The following PHLDB2 variants were observed in gnomAD, a reference collection of about 807,000 sequenced individuals.
PHLDB2 encodes the protein pleckstrin homology-like domain family B member 2.
PHLDB2 carries 71 observed loss-of-function variants against 123.6 expected under a neutral mutation model. The observed-to-expected ratio is 0.57, with a 90% confidence interval of 0.47 to 0.70. PHLDB2 has a LOEUF of 0.70. PHLDB2 is among the 30% of genes least tolerant of loss of function. PHLDB2 has a pLI of 0.00. For synonymous variants in PHLDB2, 547 were observed against 541.6 expected (o/e 1.01, Z -0.14); for missense variants, 1,446 against 1,519.5 (o/e 0.95, Z 0.80).
chr3:111,851,416 CATTTTAGG>C (rs2064250990), intron 2 of PHLDB2, among the ~76,000 whole-genome samples: 1 of 151,944 alleles, frequency 6.6e-6, no homozygotes, highest in Admixed American at 6.6e-5. Context: ...TTTCTGTGAG[CATTTTAGG>C]ATCTGTGACT....
intron 13 of PHLDB2, among the ~76,000 whole-genome samples, chr3:111,966,405 G>C (rs962314342): frequency 6.6e-6 from 1 of 152,074 alleles, no homozygotes; most frequent in Non-Finnish European, 1.5e-5. Context: ...ACAATTCTCA[G>C]AGTTGAATTG....
chr3:111,799,393 G>A (rs945037090), intron 1 of PHLDB2, among the ~76,000 whole-genome samples: 2 of 152,110 alleles, frequency 1.3e-5, no homozygotes, highest in Non-Finnish European at 2.9e-5. Context: ...TTTAATACTA[G>A]AAAAAAGTAT....
At chr3:111,912,106 A>G (rs2067917900) in intron 2 of PHLDB2, among the ~76,000 whole-genome samples, 1 of 152,222 alleles carries the variant, frequency 6.6e-6, no homozygotes, top group South Asian at 2.1e-4. Flanking sequence ...GGTAAATGTG[A>G]TCACAATAGA....
chr3:111,945,891 A>G (rs946161810), intron 9 of PHLDB2, among the ~76,000 whole-genome samples: 3 of 151,796 alleles, frequency 2.0e-5, no homozygotes, highest in African/African-American at 7.3e-5. Context: ...AACTGTACAT[A>G]CTCTTTATCT....
At chr3:111,906,676 C>T (rs946957084) in intron 2 of PHLDB2, among the ~76,000 whole-genome samples, 1 of 152,178 alleles carries the variant, frequency 6.6e-6, no homozygotes, top group African/African-American at 2.4e-5. Flanking sequence ...ACTCTCAGTA[C>T]AGTTATCTAT....
chr3:111,884,611 C>T lies in PHLDB2; in HGVS notation c.534C>T (p.Ala178=). The change falls in exon 2 of 18, where the codon GCC becomes GCT. Residue 178 remains alanine (A), a synonymous_variant. Coordinates refer to ENST00000431670, the MANE Select transcript of PHLDB2 (RefSeq NM_001134438.2). ...EGRKASGSLL[A]MWNGSSLSDA... is the part of the protein sequence containing the mutation. ...GGAAGGCATCTGGCTCGCTCCTGGC[C>T]ATGTGGAATGGAAGTTCCCTGAGTG... 6.2e-7 allele frequency: 1 copy of T among 1,614,104 alleles called. No individual in the cohort carries two copies. The highest frequency in any genetic ancestry group is 8.5e-7 in the Non-Finnish European group (1 of 1,180,018).
intron 1 of PHLDB2, among the ~76,000 whole-genome samples, chr3:111,831,459 C>T (rs1430055364): frequency 6.8e-6 from 1 of 147,920 alleles, no homozygotes; most frequent in East Asian, 2.0e-4. Context: ...GGGGAGTTTG[C>T]AAAAATTTTC....
chr3:111,925,260 T>C (rs913280984), intron 5 of PHLDB2, among the ~76,000 whole-genome samples: 1 of 152,356 alleles, frequency 6.6e-6, no homozygotes, highest in South Asian at 2.1e-4. Flanking sequence ...CTATAAAATA[T>C]AAACCATAGG....
At chr3:111,761,923 C>G (rs1042443478) in intron 1 of PHLDB2, among the ~76,000 whole-genome samples, 12 of 152,054 alleles carry the variant, frequency 7.9e-5, no homozygotes, top group African/African-American at 2.2e-4. Flanking sequence ...AGAAGAATTA[C>G]AGAGTAATTA....
chr3:111,844,460 C>A (rs772473768), intron 1 of PHLDB2, among the ~76,000 whole-genome samples: 2 of 152,166 alleles, frequency 1.3e-5, no homozygotes, highest in Non-Finnish European at 2.9e-5. Flanking sequence ...ACTCTCTCTC[C>A]CCTGTACACA....
In PHLDB2 at chr3:111,884,971, T is replaced by C. The variant is rs1315470349; in HGVS notation, c.894T>C (p.Asn298=). The part of the protein sequence containing the change: ...EKDLPHSVID[N]DNYLNFSSLS... Reference sequence around the variant, plus strand: ...ATCTACCTCATAGCGTAATAGACAATGACAATTACCTTAATTTTTCTTCTT... The same window carrying C: ...ATCTACCTCATAGCGTAATAGACAACGACAATTACCTTAATTTTTCTTCTT... Residue 298 remains asparagine, a synonymous_variant, in exon 2 of 18, where the codon AAT becomes AAC. Transcript: ENST00000431670. The C allele has an allele frequency of 4.3e-6, 7 of 1,613,932 alleles. No homozygotes were observed. Among genetic ancestry groups the C allele is most frequent in the African/African-American group, 1.3e-5 (1 of 74,888 alleles).
At chr3:111,920,967 T>G (rs986532956) in intron 5 of PHLDB2, among the ~76,000 whole-genome samples, 1 of 152,236 alleles carries the variant, frequency 6.6e-6, no homozygotes, top group Non-Finnish European at 1.5e-5. Context: ...AAAATTTTCT[T>G]CTTGGGGTAG....
At chr3:111,861,288 C>T (rs1231804704) in intron 1 of PHLDB2, among the ~76,000 whole-genome samples, 1 of 152,184 alleles carries the variant, frequency 6.6e-6, no homozygotes, top group Non-Finnish European at 1.5e-5. Context: ...CTTGGCTCCC[C>T]TTTCATATCC....
chr3:111,921,082 ATATCTAT>A (rs2068471677), intron 5 of PHLDB2, among the ~76,000 whole-genome samples: 1 of 152,226 alleles, frequency 6.6e-6, no homozygotes, highest in Admixed American at 6.5e-5. Context: ...ATGGTGGCTG[ATATCTAT>A]TAGGGAAAGT....
chr3:111,763,539 G>A (rs1335279633), intron 1 of PHLDB2, among the ~76,000 whole-genome samples: 1 of 152,128 alleles, frequency 6.6e-6, no homozygotes, highest in African/African-American at 2.4e-5. Flanking sequence ...AGCCCCATAT[G>A]TCTTGCTATT....
chr3:111,760,856 T>C (rs1328670970), intron 1 of PHLDB2, among the ~76,000 whole-genome samples: 1 of 152,162 alleles, frequency 6.6e-6, no homozygotes, highest in African/African-American at 2.4e-5. Context: ...GGGGCCAGGA[T>C]GCTACTTAGT....
intron 5 of PHLDB2, among the ~76,000 whole-genome samples, chr3:111,920,976 A>G (rs1440770371): frequency 6.6e-6 from 1 of 152,238 alleles, no homozygotes; most frequent in East Asian, 1.9e-4. Flanking sequence ...TTCTTGGGGT[A>G]GTCCTCACAC....
chr3:111,948,770 C>T (rs2070494745), intron 9 of PHLDB2, among the ~76,000 whole-genome samples, 162 bp from the exon 10 acceptor site: 1 of 152,178 alleles, frequency 6.6e-6, no homozygotes, highest in South Asian at 2.1e-4. Context: ...CAATGTAAAT[C>T]CATTTTAATT....
intron 8 of PHLDB2, among the ~76,000 whole-genome samples, chr3:111,943,569 T>A (rs2070062613): frequency 6.6e-6 from 1 of 152,154 alleles, no homozygotes; most frequent in African/African-American, 2.4e-5. Flanking sequence ...TAAATTTTTT[T>A]AAAAAACAGG....
Sources: allele counts gnomAD v4.1 joint callset (sites outside exome capture counted in the v4.1 genomes callset), GRCh38; gene constraint gnomAD v4.1.1; transcripts MANE v1.5; gene names NCBI Gene and HGNC (gene_info 2026-07-23, HGNC 2026-07-21).